The following PKP3 variants were observed in gnomAD, a reference collection of about 807,000 sequenced individuals.
PKP3 encodes the protein plakophilin-3.
In PKP3, 66 loss-of-function variants were observed where a neutral mutation model predicts 76.5. That is an observed-to-expected ratio of 0.86 (90% CI 0.71 to 1.06). PKP3 has a LOEUF of 1.06. Among genes scored for constraint, PKP3 ranks in the 50% least tolerant of loss-of-function variants. The pLI is 0.00. For synonymous variants in PKP3, 638 were observed against 516.5 expected, an observed-to-expected ratio of 1.24 and a Z score of -3.19; for missense variants, 1,338 against 1,141.0, an observed-to-expected ratio of 1.17 and a Z score of -2.49.
chr11:399,008 C>A lies in PKP3; in HGVS notation c.1085C>A (p.Ala362Asp). 1 of 1,588,264 alleles carries A rather than the reference C, an allele frequency of 6.3e-7. No individual in the cohort carries two copies. Among genetic ancestry groups the A allele is most frequent in the Non-Finnish European group, 8.6e-7 (1 of 1,164,346 alleles). ...TGCCCGCAGGCCCGCAGCCTTCAGG[C>A]CGTGCCTAGGCTGGTGAAGCTCTTC... ...AAKKQARSLQ[A>D]VPRLVKLFNH... The change falls in exon 5 of 13, where the codon GCC (alanine) becomes GAC (aspartate). Residue 362 changes from alanine to aspartate, a missense_variant. Transcript: ENST00000331563.
At position 400,713 on chromosome 11, in the gene PKP3, C is replaced by A; in HGVS notation, c.1737+8C>A. On this transcript the variant is annotated splice_region_variant and intron_variant, in intron 8 of 12. Coordinates refer to ENST00000331563, the MANE Select transcript of PKP3 (RefSeq NM_007183.4). ...AGCCGGCGGCTGCGCGAGGTGGGCA[C>A]CAGCCTGAGCGGGGCGTGGGGTGGG... 1 of 1,238,200 alleles carries A rather than the reference C, an allele frequency of 8.1e-7. No individual in the cohort carries two copies. Among genetic ancestry groups the A allele is most frequent in the Non-Finnish European group, 1.0e-6 (1 of 986,000 alleles). 76.7% of individuals were successfully genotyped at this position (1,238,200 alleles called of 1,614,324 possible).
At chr11:403,481 C>G (rs1239805586) in intron 9 of PKP3, 137 bp from the exon 10 acceptor site, 1 of 908,222 alleles carries the variant, frequency 1.1e-6, no homozygotes, top group South Asian at 1.7e-5. Flanking sequence ...GCTGATTCCC[C>G]CCGGCTGGGG....
rs773167699 is a variant in PKP3 at position 399,079 on chromosome 11, C to A, written c.1156C>A (p.Arg386Ser). ...GCAGCGCCATGCCACAGGTGCCATGCGCAACCTCATCTACGACAACGCTGA... is the reference window on the plus strand; with the variant it reads ...GCAGCGCCATGCCACAGGTGCCATGAGCAACCTCATCTACGACAACGCTGA... ...EVQRHATGAMRNLIYDNADNK... is the reference protein window; with the variant it reads ...EVQRHATGAMSNLIYDNADNK... Residue 386 changes from arginine (R) to serine (S), a missense_variant, in exon 5 of 13, where the codon CGC becomes AGC. Transcript: ENST00000331563. 3.1e-6 allele frequency: 5 copies of A among 1,611,610 alleles called. No homozygotes were observed. The highest frequency in any genetic ancestry group is 4.5e-5 in the East Asian group (2 of 44,852).
Position 397,005 on chromosome 11 carries a change from T to C in PKP3, c.504T>C (p.Gly168=), listed in dbSNP as rs1847056759. The C allele has an allele frequency of 6.3e-7, 1 of 1,587,598 alleles. No individual in the cohort carries two copies. The highest frequency in any genetic ancestry group is 2.3e-5 in the East Asian group (1 of 43,864). The change falls in exon 3 of 13, where the codon GGT becomes GGC. Residue 168 remains glycine (G), a synonymous_variant. Coordinates refer to ENST00000331563, the MANE Select transcript of PKP3 (RefSeq NM_007183.4). ...PTRPVSFHER[G]GVGSRADYDT... The stretch of plus-strand genomic sequence containing the variant: ...GGCCCGTGTCCTTCCATGAGCGCGG[T>C]GGGGTTGGGAGCCGGGCCGACTATG...
chr11:404,576 C>T lies in PKP3; in HGVS notation c.*7C>T. ...GGACTTCCTGGGCCCATAGGTGAAG[C>T]CTTCTGGAGGAGAAGGTGACGTGGC... On this transcript the variant is annotated 3_prime_UTR_variant, in exon 13 of 13. Coordinates refer to ENST00000331563, the MANE Select transcript of PKP3 (RefSeq NM_007183.4). This position sits in a 1 kb window ranked among gnomAD's most constrained non-coding sequence, Gnocchi z 4.2. The T allele has an allele frequency of 1.2e-6, 2 of 1,612,220 alleles. No homozygotes were observed.
In PKP3 at chr11:397,277, G is replaced by A. The variant is rs780596801; in HGVS notation, c.776G>A (p.Arg259Gln). Residue 259 changes from arginine (R) to glutamine (Q), a missense_variant, in exon 3 of 13, where the codon CGG becomes CAG. Coordinates refer to ENST00000331563, the MANE Select transcript of PKP3 (RefSeq NM_007183.4). ...CTGCAGCGATTCCAGAGCAGCCACC[G>A]GAGCCGCGGGGTAGGCGGGGCAGTG... Reference protein sequence around the residue: ...RTLQRFQSSHRSRGVGGAVPG... With the variant: ...RTLQRFQSSHQSRGVGGAVPG... The A allele has an allele frequency of 3.8e-6, 6 of 1,596,080 alleles. No individual in the cohort carries two copies. The highest frequency in any genetic ancestry group is 1.1e-5 in the South Asian group (1 of 89,974).
At position 399,149 on chromosome 11, in the gene PKP3, T is replaced by C; in HGVS notation, c.1226T>C (p.Leu409Pro). The C allele has an allele frequency of 1.9e-6, 3 of 1,611,070 alleles. No homozygotes were observed. Among genetic ancestry groups the C allele is most frequent in the Non-Finnish European group, 2.5e-6 (3 of 1,179,016 alleles). ...GAGGAGAACGGGATCTTCGAGCTGCTGCGGACACTGCGGGAGCAGGATGAT... is the reference window on the plus strand; with the variant it reads ...GAGGAGAACGGGATCTTCGAGCTGCCGCGGACACTGCGGGAGCAGGATGAT... The part of the protein sequence containing the change: ...LVEENGIFEL[L>P]RTLREQDDEL... The change falls in exon 5 of 13, where the codon CTG becomes CCG. Residue 409 changes from leucine (L) to proline (P), a missense_variant. Transcript: ENST00000331563.
chr11:393,831 G>A (rs1847006683), upstream of PKP3, among the ~76,000 whole-genome samples: 1 of 152,090 alleles, frequency 6.6e-6, no homozygotes. Flanking sequence ...CCCAGGGACT[G>A]GGGCACCCTC....
chr11:399,590 C>T (rs1253085777), intron 5 of PKP3, among the ~76,000 whole-genome samples: 1 of 122,886 alleles, frequency 8.1e-6, no homozygotes, highest in African/African-American at 3.3e-5. Context: ...TGTCCTCTCT[C>T]CTCCGTTCTG....
At chr11:394,851 C>T (rs117097476) in intron 1 of PKP3, among the ~76,000 whole-genome samples, 10 of 152,316 alleles carry the variant, frequency 6.6e-5, no homozygotes, top group Middle Eastern at 3.4e-3. Context: ...ACCCGGAACA[C>T]GCACGCGCCT....
intron 1 of PKP3, among the ~76,000 whole-genome samples, chr11:395,257 T>C (rs114944509): frequency 7.2e-4 from 110 of 151,868 alleles, no homozygotes; most frequent in African/African-American, 2.6e-3. Context: ...CAACAGGGAT[T>C]AAGGTTAGAC....
rs999947330 is a variant in PKP3 at position 400,628 on chromosome 11, G to A, written c.1660G>A (p.Gly554Ser). The A allele has an allele frequency of 1.4e-6, 2 of 1,410,244 alleles. No individual in the cohort carries two copies. Among genetic ancestry groups the A allele is most frequent in the Non-Finnish European group, 1.8e-6 (2 of 1,091,194 alleles). The allele number at this position is 1,410,244 out of a possible 1,614,324, so 87.4% of individuals were successfully genotyped here. The change falls in exon 8 of 13, where the codon GGC becomes AGC. Residue 554 changes from glycine to serine, a missense_variant. Physicochemically the swap from Gly to Ser is moderately conservative, Grantham distance 56. Coordinates refer to ENST00000331563, the MANE Select transcript of PKP3 (RefSeq NM_007183.4). ...PSALQRLEGR[G>S]RRDLAGAPPG... ...CGCGCTGCAGCGGCTGGAGGGTCGC[G>A]GCCGCAGGGACCTGGCGGGGGCGCC... is the stretch of plus-strand genomic sequence containing the variant.
At chr11:393,669 C>T (rs911989508), upstream of PKP3, 2 of 152,360 alleles carry the variant, frequency 1.3e-5, no homozygotes, top group African/African-American at 4.8e-5. Flanking sequence ...AAAGCTCTGT[C>T]CCTCCAGCCT....
At position 397,510 on chromosome 11, in the gene PKP3, A is replaced by G. The variant is rs750036454; in HGVS notation, c.945-29A>G. The stretch of plus-strand genomic sequence containing the variant: ...ACGGGCCCAGCCTGAACCCAAAGTT[A>G]GCCTGACCCCTGACCCCTGGCTCCG... On this transcript the variant is annotated intron_variant, in intron 3 of 12. Coordinates refer to ENST00000331563, the MANE Select transcript of PKP3 (RefSeq NM_007183.4). 5 of 1,611,932 alleles carry G rather than the reference A, an allele frequency of 3.1e-6. No individual in the cohort carries two copies. In the South Asian group the frequency reaches 5.5e-5, roughly 18 times the overall value.
chr11:399,908 C>G (rs1050642315), intron 5 of PKP3, 59 bp from the exon 6 acceptor site: 1 of 1,427,802 alleles, frequency 7.0e-7, no homozygotes, highest in African/African-American at 1.4e-5. Flanking sequence ...CACACCATCC[C>G]CAGAAACGCG....
chr11:395,956 TC>T (rs1216384080), intron 1 of PKP3, among the ~76,000 whole-genome samples: 3 of 151,948 alleles, frequency 2.0e-5, no homozygotes, highest in African/African-American at 7.3e-5. Context: ...ACAGCAGCCC[TC>T]CCATCCTCCT....
intron 1 of PKP3, 56 bp downstream of exon 1, chr11:394,580 C>T (rs1045129484): frequency 2.2e-5 from 28 of 1,297,062 alleles, no homozygotes; most frequent in Middle Eastern, 2.8e-4. Flanking sequence ...TGGCTGCGGG[C>T]GGACGTGATA....
intron 5 of PKP3, 143 bp downstream of exon 5, chr11:399,339 CCTA>C: frequency 3.3e-6 from 1 of 303,918 alleles, no homozygotes; most frequent in South Asian, 3.0e-5. Flanking sequence ...CACCTGCCCC[CCTA>C]CTCCTCCTCC....
intron 1 of PKP3, chr11:396,296 A>C: frequency 2.8e-6 from 1 of 354,650 alleles, no homozygotes; most frequent in Non-Finnish European, 5.2e-6. Flanking sequence ...GGATTGGAGA[A>C]CTGATGTCAG....
Sources: gnomAD v4.1 joint callset for allele counts (sites outside exome capture counted in the v4.1 genomes callset) on GRCh38, gnomAD v4.1.1 for gene constraint, Gnocchi (gnomAD v3.1) non-coding constraint, MANE v1.5 for transcripts, NCBI Gene and HGNC (gene_info 2026-07-23, HGNC 2026-07-21) for gene names.